The following LINGO1 variants were observed in gnomAD, a reference collection of about 807,000 sequenced individuals.
The protein encoded by LINGO1 is leucine-rich repeat and immunoglobulin-like domain-containing nogo receptor-interacting protein 1.
A neutral mutation model predicts 37.3 loss-of-function variants in LINGO1; 11 were observed. The ratio of observed to expected loss-of-function variants is 0.29; its 90% CI spans 0.19 to 0.49. The LOEUF is 0.49. Ranked by LOEUF, LINGO1 falls within the 20% of genes least tolerant of loss-of-function variation. The probability of loss-of-function intolerance (pLI) is 0.99; values close to 1 mark genes in which losing one functional copy is unlikely to be tolerated. For missense variants in LINGO1, 585 were observed against 878.2 expected, an observed-to-expected ratio of 0.67 and a Z score of 4.22; for synonymous variants, 387 against 403.0, an observed-to-expected ratio of 0.96 and a Z score of 0.48.
chr15:77,718,450 GC>G (rs2076011087), intron 2 of LINGO1, among the ~76,000 whole-genome samples: 1 of 150,820 alleles, frequency 6.6e-6, no homozygotes, highest in Non-Finnish European at 1.5e-5. Flanking sequence ...GCTCACACAC[GC>G]CCATGTGTGT....
chr15:77,810,018 C>T (rs2076990685), intron 1 of LINGO1, among the ~76,000 whole-genome samples: 1 of 151,840 alleles, frequency 6.6e-6, no homozygotes, highest in Non-Finnish European at 1.5e-5. Context: ...TGGCCTCTCC[C>T]ACCCTCCTCC....
At chr15:77,813,849 T>C (rs1008220025) in intron 1 of LINGO1, among the ~76,000 whole-genome samples, 10 of 152,198 alleles carry the variant, frequency 6.6e-5, no homozygotes, top group Non-Finnish European at 7.4e-5. Flanking sequence ...TCTAAGGTTA[T>C]ACACCTTACA....
chr15:77,807,991 G>A (rs961369037), intron 1 of LINGO1, among the ~76,000 whole-genome samples: 2 of 152,082 alleles, frequency 1.3e-5, no homozygotes, highest in African/African-American at 2.4e-5. Flanking sequence ...CACATTCTAG[G>A]AGGCAGGGAA....
chr15:77,750,886 G>A (rs1332801864), intron 1 of LINGO1, among the ~76,000 whole-genome samples: 1 of 152,158 alleles, frequency 6.6e-6, no homozygotes, highest in Non-Finnish European at 1.5e-5. Flanking sequence ...AATGAGACTG[G>A]AGCCTCTGCC....
chr15:77,781,088 C>CCAG (rs2076712350), intron 1 of LINGO1, among the ~76,000 whole-genome samples: 1 of 152,258 alleles, frequency 6.6e-6, no homozygotes. Flanking sequence ...CTTCAGCCAG[C>CCAG]CCGCAAATCC....
intron 2 of LINGO1, among the ~76,000 whole-genome samples, chr15:77,722,771 G>A (rs2076063080): frequency 6.6e-6 from 1 of 152,194 alleles, no homozygotes. Context: ...GTAGAGGAAA[G>A]AGGGCTGGTC....
At chr15:77,624,672 C>G (rs1452053641) in intron 1 of LINGO1, among the ~76,000 whole-genome samples, 1 of 151,992 alleles carries the variant, frequency 6.6e-6, no homozygotes, top group African/African-American at 2.4e-5. Context: ...GAGGCCCATT[C>G]TGGATGAGCA....
At chr15:77,667,425 G>A (rs1475255242) in intron 3 of LINGO1, among the ~76,000 whole-genome samples, 1 of 152,146 alleles carries the variant, frequency 6.6e-6, no homozygotes, top group Admixed American at 6.5e-5. Flanking sequence ...GAGGGGCGAG[G>A]GGCCATGGAG....
At chr15:77,814,142 A>T (rs1161093853) in intron 1 of LINGO1, among the ~76,000 whole-genome samples, 3 of 152,220 alleles carry the variant, frequency 2.0e-5, no homozygotes, top group Non-Finnish European at 4.4e-5. Context: ...TAATGGAAAC[A>T]GGGCCAAGAA....
chr15:77,669,466 C>A (rs1180085891), intron 3 of LINGO1, among the ~76,000 whole-genome samples: 1 of 152,200 alleles, frequency 6.6e-6, no homozygotes. Flanking sequence ...GCAGGGAAAA[C>A]CGAGAGAGGT....
At position 77,621,150 on chromosome 15, in the gene LINGO1, G is replaced by T. The variant is rs553549208; in HGVS notation, c.7-5250C>A. 2.2e-4 allele frequency among the ~76,000 whole-genome samples: 33 copies of T among 151,846 alleles called. 1 individual carries two copies. Among genetic ancestry groups the T allele is most frequent in the African/African-American group, 7.8e-4 (32 of 41,258 alleles). On this transcript the variant is annotated intron_variant, in intron 1 of 1. Transcript: ENST00000355300. ...GCTCACTGTGACCTCCACCTCCCAG[G>T]TTCAAGTGATTTTCTGGCCTCAGCC...
chr15:77,634,687 T>G (rs1057452292), upstream of LINGO1, among the ~76,000 whole-genome samples: 1 of 151,966 alleles, frequency 6.6e-6, no homozygotes, highest in Non-Finnish European at 1.5e-5. Context: ...TCCCCCTCCC[T>G]GCCAGAGCCC....
At chr15:77,717,727 T>G (rs77737006) in intron 2 of LINGO1, among the ~76,000 whole-genome samples, 2,750 of 150,768 alleles carry the variant, frequency 0.018, 186 homozygotes, top group Non-Finnish European at 0.031. Context: ...AGGCCCGGGC[T>G]GTTCTGCACA....
At chr15:77,617,017 A>C (rs972558575) in intron 1 of LINGO1, among the ~76,000 whole-genome samples, 1 of 152,188 alleles carries the variant, frequency 6.6e-6, no homozygotes, top group Admixed American at 6.5e-5. Flanking sequence ...CCCACAGGCC[A>C]GGATAGCCAG....
In LINGO1 at chr15:77,632,502, G is replaced by A; in HGVS notation, c.-187C>T. ...TGTCCGCCCCGCGCGGGCGGGAGCC[G>A]AGCCGGAGCCGGGGCCGGGGCTCGG... On this transcript the variant is annotated 5_prime_UTR_variant, in exon 1 of 2. Transcript: ENST00000355300. The surrounding 1 kb of genome is among the most constrained non-coding windows in gnomAD (Gnocchi z 6.0). 2.3e-6 allele frequency: 1 copy of A among 444,168 alleles called. No individual in the cohort carries two copies. Among genetic ancestry groups the A allele is most frequent in the Non-Finnish European group, 3.5e-6 (1 of 286,328 alleles). 27.5% of individuals were successfully genotyped at this position (444,168 alleles called of 1,614,324 possible). A position where few individuals can be genotyped will look rare whatever the true frequency, so the allele number is the denominator to read the frequency against.
At chr15:77,798,452 GA>G (rs1483575127) in intron 1 of LINGO1, among the ~76,000 whole-genome samples, 2 of 152,228 alleles carry the variant, frequency 1.3e-5, no homozygotes, top group Non-Finnish European at 1.5e-5. Context: ...CATGCTCCAA[GA>G]CAATGAATGG....
rs766784817 is a variant in LINGO1, at chr15:77,674,184, A to C, written c.-13+2905T>G. ...GTTGGCTCCCTTCTCTCTCTCTCAC[A>C]CACCACCTCATCCAATCTGTCAGCA... is the stretch of plus-strand genomic sequence containing the variant. On this transcript the variant is annotated intron_variant, in intron 3 of 3. Transcript: ENST00000559893. 1.4e-4 allele frequency among the ~76,000 whole-genome samples: 21 copies of C among 151,716 alleles called. 1 individual carries two copies. Among genetic ancestry groups the C allele is most frequent in the Admixed American group, 2.6e-4 (4 of 15,238 alleles).
At chr15:77,771,556 G>A (rs1030895409) in intron 1 of LINGO1, among the ~76,000 whole-genome samples, 13 of 152,206 alleles carry the variant, frequency 8.5e-5, no homozygotes, top group African/African-American at 2.9e-4. Context: ...TCCACAGCAA[G>A]TTCTCGGATC....
upstream of LINGO1, among the ~76,000 whole-genome samples, chr15:77,697,662 G>A (rs923180690): frequency 1.1e-4 from 17 of 152,328 alleles, no homozygotes; most frequent in African/African-American, 4.1e-4. Flanking sequence ...CAGGGTGTGG[G>A]GTGGAGCACA....
Sources: gnomAD v4.1 joint callset for allele counts (sites outside exome capture counted in the v4.1 genomes callset) on GRCh38, gnomAD v4.1.1 for gene constraint, Gnocchi (gnomAD v3.1) non-coding constraint, MANE v1.5 for transcripts, NCBI Gene and HGNC (gene_info 2026-07-23, HGNC 2026-07-21) for gene names.